The following HINT2 variants were observed in gnomAD, a reference collection of about 807,000 sequenced individuals.
HINT2 encodes adenosine 5'-monophosphoramidase HINT2.
Under a neutral mutation model 20.0 loss-of-function variants are expected in HINT2, and 17 were observed. The observed-to-expected ratio is 0.85, with a 90% CI of 0.58 to 1.27. HINT2 has a LOEUF of 1.27. Ranked by LOEUF, HINT2 falls within the 50% of genes most tolerant of loss-of-function variation. The pLI is 0.00. For missense variants in HINT2, 217 were observed against 211.9 expected, an observed-to-expected ratio of 1.02 and a Z score of -0.15; for synonymous variants, 96 against 84.2, an observed-to-expected ratio of 1.14 and a Z score of -0.77.
At chr9:35,815,093 C>T, upstream of HINT2, 1 of 980,030 alleles carries the variant, frequency 1.0e-6, no homozygotes, top group Non-Finnish European at 1.4e-6. Flanking sequence ...GCGAGCCCTG[C>T]TACCCCATTG....
At chr9:35,814,058 G>A (rs953542924) in intron 1 of HINT2, 11 of 389,368 alleles carry the variant, frequency 2.8e-5, no homozygotes, top group Non-Finnish European at 4.6e-5. Flanking sequence ...TAGAATGAGA[G>A]ACTGGGGATT....
chr9:35,814,859 G>A (rs768889507), intron 1 of HINT2, 40 bp downstream of exon 1: 72 of 1,461,516 alleles, frequency 4.9e-5, no homozygotes, highest in Non-Finnish European at 6.3e-5. Context: ...TGGCTTCGGA[G>A]CCCGCAGGAC....
At chr9:35,815,121 C>G, upstream of HINT2, 1 of 713,534 alleles carries the variant, frequency 1.4e-6, no homozygotes, top group Non-Finnish European at 2.1e-6. Context: ...CCTCTGAGCA[C>G]GATTCACCCC....
rs1369549890 is a variant in HINT2 at position 35,812,991 on chromosome 9, G to A, written c.*63C>T. The A allele has an allele frequency of 6.6e-6, 8 of 1,208,738 alleles. No individual in the cohort carries two copies. Among genetic ancestry groups the A allele is most frequent in the Non-Finnish European group, 8.6e-6 (7 of 810,158 alleles). The allele number at this position is 1,208,738 out of a possible 1,614,324, so 74.9% of individuals were successfully genotyped here. A position where few individuals can be genotyped will look rare whatever the true frequency, so the allele number is the denominator to read the frequency against. Reference sequence around the variant, plus strand: ...GAGAACAGTTTTATTAGCATCACAGGGTCCATTTTTCCCTTTCCATCCAAG... The same window carrying A: ...GAGAACAGTTTTATTAGCATCACAGAGTCCATTTTTCCCTTTCCATCCAAG... On this transcript the variant is annotated 3_prime_UTR_variant, in exon 5 of 5. Coordinates refer to ENST00000259667, the MANE Select transcript of HINT2 (RefSeq NM_032593.3).
chr9:35,813,790 G>A lies in HINT2; in HGVS notation c.82-6C>T, dbSNP rs554049277. On this transcript the variant is annotated splice_region_variant and splice_polypyrimidine_tract_variant and intron_variant, in intron 1 of 4. Transcript: ENST00000259667. The stretch of plus-strand genomic sequence containing the variant: ...ACACCTGCAGCTCCTCGGACCTGAA[G>A]GTGGATCGACCATATTCAAAGGAGG... The A allele has an allele frequency of 1.2e-6, 2 of 1,609,856 alleles. No homozygotes were observed. The highest frequency in any genetic ancestry group is 1.7e-5 in the Admixed American group (1 of 59,454).
At chr9:35,813,617 A>T (rs1485744833) in intron 2 of HINT2, 27 bp downstream of exon 2, 1 of 1,614,070 alleles carries the variant, frequency 6.2e-7, no homozygotes, top group African/African-American at 1.3e-5. Context: ...AACATTCCTA[A>T]GGGGATAGGT....
intron 2 of HINT2, 47 bp from the exon 3 acceptor site, chr9:35,813,596 A>G (rs1208403993): frequency 6.2e-7 from 1 of 1,613,914 alleles, no homozygotes; most frequent in Non-Finnish European, 8.5e-7. Context: ...AACAGGTTGG[A>G]TGGTATCTAC....
Position 35,813,249 on chromosome 9 carries a change from G to A in HINT2, c.400+17C>T, listed in dbSNP as rs755897536. Reference sequence around the variant, plus strand: ...GAGAATTCATAGGTGAGGGACCAAGGGCCAAAAGTCACTCACCAAGTCGGT... The same window carrying A: ...GAGAATTCATAGGTGAGGGACCAAGAGCCAAAAGTCACTCACCAAGTCGGT... On this transcript the variant is annotated intron_variant, in intron 4 of 4. Coordinates refer to ENST00000259667, the MANE Select transcript of HINT2 (RefSeq NM_032593.3). 191 of 1,613,926 alleles carry A rather than the reference G, an allele frequency of 1.2e-4. No homozygotes were observed. The highest frequency in any genetic ancestry group is 1.5e-4 in the Non-Finnish European group (180 of 1,179,938).
At position 35,813,618 on chromosome 9, in the gene HINT2, G is replaced by A. The variant is rs772378635; in HGVS notation, c.222+26C>T. The A allele has an allele frequency of 2.5e-6, 4 of 1,614,086 alleles. No individual in the cohort carries two copies. The South Asian group carries it at 4.4e-5, about 18-fold the overall frequency. On this transcript the variant is annotated intron_variant, in intron 2 of 4. Transcript: ENST00000259667. ...TGGATGGTATCTACAACATTCCTAA[G>A]GGGATAGGTCCTAAGAGCACCCCAC... is the stretch of plus-strand genomic sequence containing the variant.
chr9:35,813,008 C>T lies in HINT2; in HGVS notation c.*46G>A. The T allele has an allele frequency of 6.8e-7, 1 of 1,465,510 alleles. No homozygotes were observed. The highest frequency in any genetic ancestry group is 9.6e-7 in the Non-Finnish European group (1 of 1,044,736). 90.8% of individuals were successfully genotyped at this position (1,465,510 alleles called of 1,614,324 possible). On this transcript the variant is annotated 3_prime_UTR_variant, in exon 5 of 5. Coordinates refer to ENST00000259667, the MANE Select transcript of HINT2 (RefSeq NM_032593.3). ...CATCACAGGGTCCATTTTTCCCTTT[C>T]CATCCAAGCATCCAGAGTCTGGTGT...
intron 1 of HINT2, chr9:35,814,262 GTTTTA>G (rs774597878): frequency 7.1e-4 from 112 of 158,476 alleles, no homozygotes; most frequent in South Asian, 5.4e-4. Flanking sequence ...CTTGTCGCCT[GTTTTA>G]TTTAAGTTTT....
At chr9:35,813,812 G>C in intron 1 of HINT2, 28 bp from the exon 2 acceptor site, 2 of 1,593,568 alleles carry the variant, frequency 1.3e-6, no homozygotes, top group South Asian at 1.1e-5. Flanking sequence ...ATATTCAAAG[G>C]AGGGAGCTGG....
rs1828984435 is a variant in HINT2 at position 35,814,974 on chromosome 9, C to T, written c.6G>A (p.Ala2=). 6.8e-7 allele frequency: 1 copy of T among 1,473,304 alleles called. No homozygotes were observed. The highest frequency in any genetic ancestry group is 1.5e-5 in the African/African-American group (1 of 68,230). The allele number at this position is 1,473,304 out of a possible 1,614,324, so 91.3% of individuals were successfully genotyped here. The change falls in exon 1 of 5, where the codon GCG becomes GCA. Residue 2 remains alanine, a synonymous_variant. Transcript: ENST00000259667. The stretch of plus-strand genomic sequence containing the variant: ...ACCCAGCAGCCAGCACCACGGCTGC[C>T]GCCATCTTCCCTGAGCCGCGGGAAC... M[A]AAVVLAAGLR... is the part of the protein sequence containing the mutation.
Position 35,813,256 on chromosome 9 carries a change from A to C in HINT2, c.400+10T>G. The C allele has an allele frequency of 6.2e-7, 1 of 1,614,148 alleles. No individual in the cohort carries two copies. The highest frequency in any genetic ancestry group is 8.5e-7 in the Non-Finnish European group (1 of 1,179,980). ...CATAGGTGAGGGACCAAGGGCCAAA[A>C]GTCACTCACCAAGTCGGTATCCATC... is the stretch of plus-strand genomic sequence containing the variant. On this transcript the variant is annotated intron_variant, in intron 4 of 4. Coordinates refer to ENST00000259667, the MANE Select transcript of HINT2 (RefSeq NM_032593.3).
At chr9:35,813,984 T>C in intron 1 of HINT2, 200 bp from the exon 2 acceptor site, 1 of 597,876 alleles carries the variant, frequency 1.7e-6, no homozygotes, top group South Asian at 2.0e-5. Context: ...TTATCAGGAT[T>C]CAGCAGTGCA....
At chr9:35,814,130 C>T in intron 1 of HINT2, 1 of 216,334 alleles carries the variant, frequency 4.6e-6, no homozygotes, top group Non-Finnish European at 9.2e-6. Flanking sequence ...CTTCTCTCAG[C>T]TTCTAATATA....
chr9:35,813,142 A>G lies in HINT2; in HGVS notation c.404T>C (p.Ile135Thr), dbSNP rs1455266228. The G allele has an allele frequency of 3.1e-6, 5 of 1,614,082 alleles. No homozygotes were observed. Among genetic ancestry groups the G allele is most frequent in the East Asian group, 2.2e-5 (1 of 44,900 alleles). Residue 135 changes from isoleucine (I) to threonine (T), a missense_variant, in exon 5 of 5, where the codon ATC becomes ACC. Transcript: ENST00000259667. The part of the protein sequence containing the change: ...EGLGDGYRLV[I>T]NDGKLGAQSV... ...TTGTGCACCCAGCTTCCCATCGTTG[A>G]TCACTGAAATTGAGCTTGGGGTTAG...
Position 35,813,693 on chromosome 9 carries a change from C to T in HINT2, c.173G>A (p.Arg58Gln), listed in dbSNP as rs747136493. 42 of 1,614,034 alleles carry T rather than the reference C, an allele frequency of 2.6e-5. No homozygotes were observed. In the Admixed American group the frequency reaches 2.7e-4, roughly 10 times the overall value. ...AGCTGGGAGGCTCTTGTCCAGGATC[C>T]GGGAGAAGATGGTTGGGGCTGCTCC... The part of the protein sequence containing the change: ...PGGAAPTIFS[R>Q]ILDKSLPADI... Residue 58 changes from arginine to glutamine, a missense_variant, in exon 2 of 5, where the codon CGG becomes CAG. Coordinates refer to ENST00000259667, the MANE Select transcript of HINT2 (RefSeq NM_032593.3).
Position 35,813,099 on chromosome 9 carries a change from G to A in HINT2, c.447C>T (p.His149=). ...GCTGCCGGCCCCCAAGTACATGAAT[G>A]TGCAGATGATACACAGATTGTGCAC... ...KLGAQSVYHL[H]IHVLGGRQLQ... is the part of the protein sequence containing the mutation. The change falls in exon 5 of 5, where the codon CAC becomes CAT. Residue 149 remains histidine, a synonymous_variant. Transcript: ENST00000259667. The A allele has an allele frequency of 2.5e-6, 4 of 1,614,226 alleles. No individual in the cohort carries two copies. Among genetic ancestry groups the A allele is most frequent in the Non-Finnish European group, 3.4e-6 (4 of 1,180,044 alleles).
Sources: allele counts gnomAD v4.1 joint callset, GRCh38; gene constraint gnomAD v4.1.1; transcripts MANE v1.5; gene names NCBI Gene and HGNC (gene_info 2026-07-23, HGNC 2026-07-21).